Variants in MACROD2 observed in about 807,000 individuals in gnomAD.
MACROD2 encodes mono-ADP ribosylhydrolase 2, also known as ADP-ribose glycohydrolase MACROD2.
A neutral mutation model predicts 70.4 loss-of-function variants in MACROD2; 36 were observed. The ratio of observed to expected loss-of-function variants is 0.51; its 90% CI spans 0.39 to 0.68. MACROD2 has a LOEUF of 0.68. Ranked by LOEUF, MACROD2 falls within the 30% of genes least tolerant of loss-of-function variation. The pLI, the probability that MACROD2 is intolerant of heterozygous loss-of-function variation, is 0.00. For missense variants in MACROD2, 496 were observed against 538.4 expected (o/e 0.92, Z 0.78); for synonymous variants, 172 against 178.8 (o/e 0.96, Z 0.30).
chr20:14,276,961 G>C (rs2082264014), intron 3 of MACROD2, among the ~76,000 whole-genome samples: 1 of 152,026 alleles, frequency 6.6e-6, no homozygotes, highest in South Asian at 2.1e-4. Context: ...TCTTATATGT[G>C]TTTAATTGAG....
At chr20:14,872,704 A>G (rs1393451916) in intron 5 of MACROD2, among the ~76,000 whole-genome samples, 1 of 152,116 alleles carries the variant, frequency 6.6e-6, no homozygotes, top group Non-Finnish European at 1.5e-5. Flanking sequence ...TAGGAATATT[A>G]CCCATTATCA....
At chr20:15,219,992 A>ATT (rs200180828) in intron 5 of MACROD2, among the ~76,000 whole-genome samples, 21,283 of 137,634 alleles carry the variant, frequency 0.15, 2,155 homozygotes, top group Non-Finnish European at 0.24. Flanking sequence ...ATCACTGCAC[A>ATT]TTTTTTTTTT....
At chr20:15,439,159 C>T (rs2046464092) in intron 7 of MACROD2, among the ~76,000 whole-genome samples, 1 of 152,138 alleles carries the variant, frequency 6.6e-6, no homozygotes, top group Non-Finnish European at 1.5e-5. Context: ...CACTCAGGAA[C>T]ATACAGGTCA....
intron 5 of MACROD2, among the ~76,000 whole-genome samples, chr20:14,718,607 G>A (rs913466443): frequency 6.6e-6 from 1 of 152,062 alleles, no homozygotes; most frequent in African/African-American, 2.4e-5. Context: ...AGTTCCTATT[G>A]AACACAGATC....
At chr20:15,467,030 G>A (rs912983320) in intron 7 of MACROD2, among the ~76,000 whole-genome samples, 1 of 152,204 alleles carries the variant, frequency 6.6e-6, no homozygotes, top group Non-Finnish European at 1.5e-5. Context: ...TGGTCCTCCT[G>A]TCTATGCTCA....
intron 8 of MACROD2, among the ~76,000 whole-genome samples, chr20:15,569,570 A>C (rs1226207566): frequency 6.6e-6 from 1 of 152,214 alleles, no homozygotes; most frequent in Admixed American, 6.5e-5. Flanking sequence ...GTCCCTGGTA[A>C]CCACCATTCT....
At chr20:15,782,507 A>G (rs1398371653) in intron 8 of MACROD2, among the ~76,000 whole-genome samples, 1 of 151,972 alleles carries the variant, frequency 6.6e-6, no homozygotes, top group African/African-American at 2.4e-5. Flanking sequence ...TTTTCAGACA[A>G]GCTTTAGTCA....
intron 8 of MACROD2, among the ~76,000 whole-genome samples, chr20:15,664,400 T>C (rs146208608): frequency 6.6e-6 from 1 of 152,332 alleles, no homozygotes; most frequent in African/African-American, 2.4e-5. Context: ...ATTTATTTCT[T>C]GTAGTAGGTA....
chr20:15,201,797 A>ATG (rs2076658656), intron 5 of MACROD2, among the ~76,000 whole-genome samples: 1 of 152,214 alleles, frequency 6.6e-6, no homozygotes, highest in Non-Finnish European at 1.5e-5. Context: ...TGTGACATTC[A>ATG]AATGCAGTCT....
At chr20:14,133,709 G>T (rs2054750739) in intron 3 of MACROD2, among the ~76,000 whole-genome samples, 1 of 152,192 alleles carries the variant, frequency 6.6e-6, no homozygotes, top group Non-Finnish European at 1.5e-5. Flanking sequence ...TTTTGGCATG[G>T]TTTAAGGTCT....
chr20:15,144,591 G>A (rs541048468), intron 5 of MACROD2, among the ~76,000 whole-genome samples: 21 of 152,206 alleles, frequency 1.4e-4, no homozygotes, highest in Admixed American at 1.2e-3. Flanking sequence ...GTATTTTGTT[G>A]CAAAAGGTGG....
At chr20:15,478,305 G>A (rs1211023027) in intron 7 of MACROD2, among the ~76,000 whole-genome samples, 1 of 152,182 alleles carries the variant, frequency 6.6e-6, no homozygotes, top group East Asian at 1.9e-4. Flanking sequence ...ATTCCCAGAG[G>A]TGGCAGCTTT....
At chr20:14,598,793 A>G (rs955325844) in intron 4 of MACROD2, among the ~76,000 whole-genome samples, 2 of 152,294 alleles carry the variant, frequency 1.3e-5, no homozygotes, top group Admixed American at 1.3e-4. Flanking sequence ...GCAATTTCAC[A>G]TTATATGTGT....
At chr20:15,752,430 G>C (rs2051286796) in intron 8 of MACROD2, among the ~76,000 whole-genome samples, 1 of 152,008 alleles carries the variant, frequency 6.6e-6, no homozygotes, top group Non-Finnish European at 1.5e-5. Flanking sequence ...TTTCTCTTTA[G>C]TTGTGATTTC....
chr20:15,026,067 A>C (rs530015558), intron 5 of MACROD2, among the ~76,000 whole-genome samples: 1 of 152,202 alleles, frequency 6.6e-6, no homozygotes, highest in Non-Finnish European at 1.5e-5. Flanking sequence ...CAAAGAATTT[A>C]TAACTCTGAA....
intron 15 of MACROD2, among the ~76,000 whole-genome samples, chr20:15,996,257 AG>A (rs765241637): frequency 2.4e-4 from 37 of 152,144 alleles, no homozygotes; most frequent in Non-Finnish European, 3.8e-4. Flanking sequence ...CCTGATGATT[AG>A]TAATGTTCAG....
chr20:15,775,103 C>T (rs573640435), intron 8 of MACROD2, among the ~76,000 whole-genome samples: 21 of 152,086 alleles, frequency 1.4e-4, no homozygotes, highest in African/African-American at 4.8e-4. Context: ...GCAAAGGGAA[C>T]AGGAATTTAT....
intron 7 of MACROD2, among the ~76,000 whole-genome samples, chr20:15,459,683 G>A (rs181807149): frequency 2.0e-5 from 3 of 152,096 alleles, no homozygotes; most frequent in Non-Finnish European, 2.9e-5. Context: ...AGTTCAAAAG[G>A]CTTCTTGCTC....
intron 3 of MACROD2, among the ~76,000 whole-genome samples, chr20:14,336,885 C>T (rs1422337008): frequency 6.6e-6 from 1 of 152,186 alleles, no homozygotes; most frequent in Non-Finnish European, 1.5e-5. Context: ...CTAGGTGTAG[C>T]TGTTAATCCT....
Sources: allele counts gnomAD v4.1 joint callset (sites outside exome capture counted in the v4.1 genomes callset), GRCh38; gene constraint gnomAD v4.1.1; transcripts MANE v1.5; gene names NCBI Gene and HGNC (gene_info 2026-07-23, HGNC 2026-07-21).